The following SDK1 variants were observed in gnomAD, a reference collection of about 807,000 sequenced individuals.
SDK1 encodes the protein sidekick cell adhesion molecule 1.
In SDK1, 157 loss-of-function variants were observed where a neutral mutation model predicts 245.5. The observed-to-expected ratio is 0.64, with a 90% CI of 0.56 to 0.73. The LOEUF is 0.73. Ranked by LOEUF, SDK1 falls within the 30% of genes least tolerant of loss-of-function variation. The pLI is 0.00. For missense variants in SDK1, 3,583 were observed against 3,002.3 expected (o/e 1.19, Z -4.52); for synonymous variants, 1,647 against 1,278.5 (o/e 1.29, Z -6.15).
At chr7:4,091,399 G>A (rs1171153005) in intron 22 of SDK1, among the ~76,000 whole-genome samples, 3 of 142,380 alleles carry the variant, frequency 2.1e-5, no homozygotes, top group African/African-American at 8.1e-5. Context: ...CTGGAGTGCA[G>A]CATCAGGATC....
chr7:3,995,840 T>C lies in SDK1; in HGVS notation c.2131+8518T>C, dbSNP rs140896072. Reference sequence around the variant, plus strand: ...AGGGATTTTTTTTTTTTCTGTCATTTGTAACAAGGATTTTTTCAGTTTGCT... The same window carrying C: ...AGGGATTTTTTTTTTTTCTGTCATTCGTAACAAGGATTTTTTCAGTTTGCT... On this transcript the variant is annotated intron_variant, in intron 14 of 44. Transcript: ENST00000404826. Among the ~76,000 whole-genome samples, 687 of 152,216 alleles carry C rather than the reference T, an allele frequency of 4.5e-3. 5 individuals carry two copies. Among genetic ancestry groups the C allele is most frequent in the African/African-American group, 0.016 (651 of 41,530 alleles).
chr7:4,158,315 G>A (rs146941425), intron 30 of SDK1, 133 bp from the exon 31 acceptor site: 337 of 665,736 alleles, frequency 5.1e-4, no homozygotes, highest in African/African-American at 4.4e-3. Context: ...AAGCTGTCTC[G>A]GGCCCACACA....
intron 4 of SDK1, among the ~76,000 whole-genome samples, chr7:3,734,458 G>C (rs951837492): frequency 7.2e-5 from 11 of 152,106 alleles, no homozygotes; most frequent in Admixed American, 4.6e-4. Context: ...CTTATAGATG[G>C]TGTTAAGAAT....
At chr7:3,302,206 A>C (rs1779289835) in intron 1 of SDK1, 1 of 153,682 alleles carries the variant, frequency 6.5e-6, no homozygotes, top group African/African-American at 2.4e-5. Flanking sequence ...CATTGCATGG[A>C]TGAAAAAGGG....
At chr7:3,923,807 G>A (rs1296459843) in intron 5 of SDK1, among the ~76,000 whole-genome samples, 5 of 152,178 alleles carry the variant, frequency 3.3e-5, no homozygotes, top group Non-Finnish European at 7.3e-5. Context: ...CTCCTACCCG[G>A]AATTCTGACC....
chr7:3,610,718 G>A (rs1781559710), intron 1 of SDK1, among the ~76,000 whole-genome samples: 2 of 152,226 alleles, frequency 1.3e-5, no homozygotes. Context: ...TACCCCCAGA[G>A]TTCCCTTAAA....
chr7:3,866,273 C>T (rs1373366876), intron 5 of SDK1, among the ~76,000 whole-genome samples: 3 of 152,126 alleles, frequency 2.0e-5, no homozygotes, highest in Non-Finnish European at 4.4e-5. Context: ...ACTGGAGAGG[C>T]CCCATTCCAG....
intron 1 of SDK1, among the ~76,000 whole-genome samples, chr7:3,309,350 T>C (rs1779494989): frequency 6.6e-6 from 1 of 151,054 alleles, no homozygotes; most frequent in Non-Finnish European, 1.5e-5. Context: ...TAGGATATAA[T>C]CTGTGGTTTC....
At chr7:3,472,799 A>G (rs190662399) in intron 1 of SDK1, among the ~76,000 whole-genome samples, 2 of 152,330 alleles carry the variant, frequency 1.3e-5, no homozygotes, top group East Asian at 3.9e-4. Context: ...GCATGAGAAC[A>G]TAGGGTAACA....
intron 22 of SDK1, among the ~76,000 whole-genome samples, chr7:4,102,316 G>A (rs1782609502): frequency 6.6e-6 from 1 of 152,176 alleles, no homozygotes; most frequent in East Asian, 1.9e-4. Flanking sequence ...TGGGCACGGG[G>A]AGGAGCCGTC....
At chr7:3,407,382 A>G (rs1180082693) in intron 1 of SDK1, among the ~76,000 whole-genome samples, 4 of 152,202 alleles carry the variant, frequency 2.6e-5, no homozygotes, top group African/African-American at 9.6e-5. Context: ...CATCCTGCCA[A>G]GTGATACTTC....
chr7:3,391,964 GT>G (rs1271634143), intron 1 of SDK1, among the ~76,000 whole-genome samples: 1 of 68,778 alleles, frequency 1.5e-5, no homozygotes, highest in African/African-American at 9.0e-5. Flanking sequence ...TGTATATCAT[GT>G]AATATATATA....
chr7:3,480,219 G>A (rs1781471438), intron 1 of SDK1, among the ~76,000 whole-genome samples: 1 of 152,198 alleles, frequency 6.6e-6, no homozygotes, highest in Admixed American at 6.5e-5. Flanking sequence ...GACATGAGAA[G>A]GATTCAGCAG....
chr7:3,797,793 T>C (rs939082490), intron 4 of SDK1, among the ~76,000 whole-genome samples: 1 of 152,190 alleles, frequency 6.6e-6, no homozygotes, highest in Non-Finnish European at 1.5e-5. Flanking sequence ...ACTGTTTCTC[T>C]CCTGTTGATT....
intron 14 of SDK1, among the ~76,000 whole-genome samples, chr7:4,002,315 A>C (rs886733001): frequency 3.9e-5 from 6 of 152,180 alleles, no homozygotes; most frequent in African/African-American, 1.4e-4. Context: ...GTTTAACTGC[A>C]TGGAGGCTGA....
At chr7:3,463,895 C>A (rs1303351107) in intron 1 of SDK1, among the ~76,000 whole-genome samples, 1 of 152,154 alleles carries the variant, frequency 6.6e-6, no homozygotes, top group Non-Finnish European at 1.5e-5. Context: ...GCATAAGGGC[C>A]CCAAAGTTCT....
Position 3,303,105 on chromosome 7 carries a change from T to A in SDK1, c.298+1221T>A, listed in dbSNP as rs190434308. On this transcript the variant is annotated intron_variant, in intron 1 of 44. Coordinates refer to ENST00000404826, the MANE Select transcript of SDK1 (RefSeq NM_152744.4). ...ATAAATGCTCCCTCTTATGTTTTAC[T>A]ACATGAAAACAAATTGCCATATTTC... Among the ~76,000 whole-genome samples, 88 of 152,344 alleles carry A rather than the reference T, an allele frequency of 5.8e-4. 1 individual carries two copies. In the East Asian group the frequency reaches 0.013, roughly 22 times the overall value.
chr7:3,335,437 G>A (rs201090624), intron 1 of SDK1, among the ~76,000 whole-genome samples: 1 of 138,310 alleles, frequency 7.2e-6, no homozygotes, highest in Non-Finnish European at 1.6e-5. Context: ...TTTTTTTTCT[G>A]TTCCCCAGTA....
chr7:3,511,799 G>GTT (rs11394628), intron 1 of SDK1, among the ~76,000 whole-genome samples: 71 of 148,308 alleles, frequency 4.8e-4, no homozygotes, highest in South Asian at 1.5e-3. Context: ...TTTGTTTTTT[G>GTT]TTTTTTTTTA....
Sources: gnomAD v4.1 joint callset for allele counts (sites outside exome capture counted in the v4.1 genomes callset) on GRCh38, gnomAD v4.1.1 for gene constraint, MANE v1.5 for transcripts, NCBI Gene and HGNC (gene_info 2026-07-23, HGNC 2026-07-21) for gene names.